Variants in BMP5 observed in about 807,000 individuals in gnomAD.
The protein encoded by BMP5 is bone morphogenetic protein 5.
Under a neutral mutation model 46.6 loss-of-function variants are expected in BMP5, and 23 were observed. That is an observed-to-expected ratio of 0.49 (90% CI 0.35 to 0.70). The LOEUF (loss-of-function observed/expected upper bound fraction) is 0.70, where lower values mean the gene tolerates loss of function less well. Ranked by LOEUF, BMP5 falls within the 30% of genes least tolerant of loss-of-function variation. The pLI is 0.00. For synonymous variants in BMP5, 204 were observed against 191.9 expected, an observed-to-expected ratio of 1.06 and a Z score of -0.52; for missense variants, 545 against 565.6, an observed-to-expected ratio of 0.96 and a Z score of 0.37.
intron 1 of BMP5, among the ~76,000 whole-genome samples, chr6:55,830,457 C>T (rs550288775): frequency 3.2e-4 from 48 of 152,208 alleles, no homozygotes; most frequent in Non-Finnish European, 5.3e-4. Flanking sequence ...AATTCAGCTA[C>T]GCATCTTTGA....
chr6:55,801,431 G>A (rs1465586270), intron 2 of BMP5, among the ~76,000 whole-genome samples: 2 of 152,214 alleles, frequency 1.3e-5, no homozygotes, highest in African/African-American at 2.4e-5. Context: ...CATCATTGAA[G>A]TTGGAGACTT....
chr6:55,777,797 A>G (rs1007289606), intron 3 of BMP5, among the ~76,000 whole-genome samples: 3 of 152,148 alleles, frequency 2.0e-5, no homozygotes, highest in Middle Eastern at 3.4e-3. Context: ...TAACTCCTAG[A>G]AAGAAAGGGA....
intron 2 of BMP5, among the ~76,000 whole-genome samples, chr6:55,813,225 T>G (rs1165287765): frequency 6.6e-6 from 1 of 152,100 alleles, no homozygotes; most frequent in Admixed American, 6.6e-5. Context: ...CATAAAATCA[T>G]TTCATTACCT....
intron 1 of BMP5, among the ~76,000 whole-genome samples, chr6:55,862,943 T>C (rs1777557710): frequency 1.3e-5 from 2 of 152,186 alleles, no homozygotes; most frequent in Admixed American, 1.3e-4. Flanking sequence ...TACTTGGTGC[T>C]AGATTTTGGG....
intron 4 of BMP5, among the ~76,000 whole-genome samples, chr6:55,765,491 T>C (rs1388727460): frequency 6.6e-6 from 1 of 152,114 alleles, no homozygotes; most frequent in Non-Finnish European, 1.5e-5. Context: ...TTTATAAAAA[T>C]TTAAAATGAT....
chr6:55,770,145 T>C (rs920638329), intron 4 of BMP5, among the ~76,000 whole-genome samples: 3 of 151,926 alleles, frequency 2.0e-5, no homozygotes, highest in South Asian at 2.1e-4. Context: ...AAGCCAGCCA[T>C]TGACTCTTCT....
intron 6 of BMP5, 151 bp downstream of exon 6, chr6:55,758,854 C>T (rs1412538544): frequency 3.0e-6 from 2 of 668,936 alleles, no homozygotes; most frequent in Non-Finnish European, 5.4e-6. Context: ...TGACTATACC[C>T]ACAGTTGTTA....
intron 1 of BMP5, among the ~76,000 whole-genome samples, chr6:55,860,078 C>T (rs1218588396): frequency 6.6e-6 from 1 of 152,160 alleles, no homozygotes; most frequent in Admixed American, 6.5e-5. Context: ...GATTTGAGAC[C>T]AGCCTGGGCA....
rs947210212 is a variant in BMP5 at position 55,753,909 on chromosome 6, T to C, written c.*1624A>G. On this transcript the variant is annotated 3_prime_UTR_variant, in exon 7 of 7. Coordinates refer to ENST00000370830, the MANE Select transcript of BMP5 (RefSeq NM_021073.4). Reference sequence around the variant, plus strand: ...ATATTTAAACAGCACATTTAAAGAATAAAACAATAGACTTCCATTTCTTAT... The same window carrying C: ...ATATTTAAACAGCACATTTAAAGAACAAAACAATAGACTTCCATTTCTTAT... 6.6e-6 allele frequency: 1 copy of C among 151,976 alleles called. No homozygotes were observed. The highest frequency in any genetic ancestry group is 1.5e-5 in the Non-Finnish European group (1 of 67,918). 9.4% of individuals were successfully genotyped at this position (151,976 alleles called of 1,614,324 possible).
rs563848313 is a variant in BMP5 at position 55,854,938 on chromosome 6, A to C, written c.490+19438T>G. Among the ~76,000 whole-genome samples, 19 of 152,240 alleles carry C rather than the reference A, an allele frequency of 1.2e-4. No individual in the cohort carries two copies. The South Asian group carries it at 3.7e-3, about 30-fold the overall frequency. On this transcript the variant is annotated intron_variant, in intron 1 of 6. Coordinates refer to ENST00000370830, the MANE Select transcript of BMP5 (RefSeq NM_021073.4). ...TGTATGCATGTTATGCTAATTTATT[A>C]AAAAATACTATGCAGTTTTTCATAT...
At chr6:55,843,454 A>G (rs78260162) in intron 1 of BMP5, among the ~76,000 whole-genome samples, 2,731 of 152,100 alleles carry the variant, frequency 0.018, 90 homozygotes, top group African/African-American at 0.061. Context: ...GATCATACTT[A>G]TTGTAGTTTT....
chr6:55,873,718 T>C (rs1305329684), intron 1 of BMP5, among the ~76,000 whole-genome samples: 4 of 152,000 alleles, frequency 2.6e-5, no homozygotes, highest in East Asian at 1.9e-4. Context: ...CACTAAAGCA[T>C]GTTTTACATT....
chr6:55,868,504 TTTTG>T (rs1302026122), intron 1 of BMP5, among the ~76,000 whole-genome samples: 1 of 152,208 alleles, frequency 6.6e-6, no homozygotes, highest in Non-Finnish European at 1.5e-5. Flanking sequence ...TTATGGGGTT[TTTTG>T]TTTGTTTGTT....
chr6:55,813,002 C>T (rs1776170363), intron 2 of BMP5, among the ~76,000 whole-genome samples: 1 of 151,874 alleles, frequency 6.6e-6, no homozygotes, highest in South Asian at 2.1e-4. Context: ...GAATTAAAGT[C>T]AAAGTTCCAA....
intron 3 of BMP5, among the ~76,000 whole-genome samples, chr6:55,786,200 A>G (rs1207991129): frequency 6.6e-6 from 1 of 151,724 alleles, no homozygotes; most frequent in Non-Finnish European, 1.5e-5. Flanking sequence ...CTCTAAGACA[A>G]TGCATTTCCA....
rs192779177 is a variant in BMP5, at chr6:55,801,395, G to T, written c.684-6968C>A. Among the ~76,000 whole-genome samples, 507 of 152,304 alleles carry T rather than the reference G, an allele frequency of 3.3e-3. 2 individuals are homozygous for T. The highest frequency in any genetic ancestry group is 0.012 in the African/African-American group (479 of 41,570). ...GCAAGGCATCCGCTTCTAAAGGAAA[G>T]GACTTGGCGGCTAGAAAGTCAACTG... is the stretch of plus-strand genomic sequence containing the variant. On this transcript the variant is annotated intron_variant, in intron 2 of 6. Coordinates refer to ENST00000370830, the MANE Select transcript of BMP5 (RefSeq NM_021073.4).
At chr6:55,788,278 T>TG (rs1775496186) in intron 3 of BMP5, among the ~76,000 whole-genome samples, 1 of 151,696 alleles carries the variant, frequency 6.6e-6, no homozygotes, top group Non-Finnish European at 1.5e-5. Context: ...TCCAAAAATA[T>TG]GTTGTTTTTC....
At chr6:55,785,539 C>T (rs983125102) in intron 3 of BMP5, among the ~76,000 whole-genome samples, 6 of 151,714 alleles carry the variant, frequency 4.0e-5, no homozygotes, top group African/African-American at 1.2e-4. Context: ...TCACAGCATA[C>T]GTGGGTTTGG....
chr6:55,770,619 A>AC (rs1446184755), intron 4 of BMP5, among the ~76,000 whole-genome samples: 10 of 151,988 alleles, frequency 6.6e-5, no homozygotes, highest in Non-Finnish European at 1.2e-4. Context: ...ACAACTTGAC[A>AC]ACTGTTTGTT....
Sources: gnomAD v4.1 joint callset for allele counts (sites outside exome capture counted in the v4.1 genomes callset) on GRCh38, gnomAD v4.1.1 for gene constraint, MANE v1.5 for transcripts, NCBI Gene and HGNC (gene_info 2026-07-23, HGNC 2026-07-21) for gene names.